BPTF: variants seen among roughly 807,000 people sequenced by gnomAD.
BPTF encodes bromodomain PHD finger transcription factor.
A neutral mutation model predicts 292.5 loss-of-function variants in BPTF; 18 were observed. That is an observed-to-expected ratio of 0.06 (90% CI 0.04 to 0.09). The LOEUF is 0.09. BPTF is among the 10% of genes least tolerant of loss of function. The pLI, the probability that BPTF is intolerant of heterozygous loss-of-function variation, is 1.00. For synonymous variants in BPTF, 1,225 were observed against 1,251.9 expected (o/e 0.98, Z 0.45); for missense variants, 2,726 against 3,498.7 (o/e 0.78, Z 5.57).
intron 1 of BPTF, among the ~76,000 whole-genome samples, chr17:67,850,395 CAG>C (rs1440117013): frequency 2.0e-5 from 3 of 152,100 alleles, no homozygotes; most frequent in Non-Finnish European, 2.9e-5. Flanking sequence ...TTTTCTGAGA[CAG>C]AGTCTCGCTC....
intron 2 of BPTF, among the ~76,000 whole-genome samples, chr17:67,863,715 C>T (rs1185254267): frequency 3.9e-5 from 6 of 152,142 alleles, no homozygotes; most frequent in African/African-American, 1.4e-4. Flanking sequence ...CTGCAAAGAC[C>T]CTATTTCCAA....
rs186609383 is a variant in BPTF, at chr17:67,964,762, A to G, written c.8454+358A>G. ...ATGCCTGTAATCCCAGCACTTTGGG[A>G]GGCCAAGGTGGGCGGATCACAAGGT... On this transcript the variant is annotated intron_variant, in intron 25 of 27. Coordinates refer to ENST00000306378, the MANE Select transcript of BPTF (RefSeq NM_182641.4). Among the ~76,000 whole-genome samples, 55 of 152,204 alleles carry G rather than the reference A, an allele frequency of 3.6e-4. No homozygotes were observed. In the Middle Eastern group the frequency reaches 0.01, roughly 28 times the overall value.
Position 67,903,770 on chromosome 17 carries a change from T to C in BPTF, c.2544-19T>C. On this transcript the variant is annotated intron_variant, in intron 7 of 27. Transcript: ENST00000306378. ...TATTTTTCCAAGTTAACATTGTCTTTCTATGCATGAATTCTTAGGTTACAC... is the reference window on the plus strand; with the variant it reads ...TATTTTTCCAAGTTAACATTGTCTTCCTATGCATGAATTCTTAGGTTACAC... 1 of 1,522,336 alleles carries C rather than the reference T, an allele frequency of 6.6e-7. No homozygotes were observed. The highest frequency in any genetic ancestry group is 8.8e-7 in the Non-Finnish European group (1 of 1,141,386). 94.3% of individuals were successfully genotyped at this position (1,522,336 alleles called of 1,614,324 possible).
At chr17:67,965,348 AAAAAG>A (rs2067984629) in intron 25 of BPTF, 1 of 149,698 alleles carries the variant, frequency 6.7e-6, no homozygotes, top group African/African-American at 2.5e-5. Context: ...GTCTCAGAAA[AAAAAG>A]AAAAACGGGA....
rs887886050 is a variant in BPTF at position 67,864,545 on chromosome 17, A to G, written c.1437-1919A>G. Reference sequence around the variant, plus strand: ...TCCATCACAAAAAAAAAAAAAAAAAAGGAAAAGAAAAAAGTTAAACAAAAC... The same window carrying G: ...TCCATCACAAAAAAAAAAAAAAAAAGGGAAAAGAAAAAAGTTAAACAAAAC... On this transcript the variant is annotated intron_variant, in intron 2 of 27. Coordinates refer to ENST00000306378, the MANE Select transcript of BPTF (RefSeq NM_182641.4). Among the ~76,000 whole-genome samples, 150 of 146,380 alleles carry G rather than the reference A, an allele frequency of 1.0e-3. 1 individual carries two copies. The highest frequency in any genetic ancestry group is 7.1e-3 in the Middle Eastern group (2 of 282).
chr17:67,877,707 C>T lies in BPTF; in HGVS notation c.1864+2687C>T, dbSNP rs1227678913. Among the ~76,000 whole-genome samples the T allele has an allele frequency of 1.2e-4, 18 of 152,254 alleles. No individual in the cohort carries two copies. In the South Asian group the frequency reaches 3.7e-3, roughly 32 times the overall value. On this transcript the variant is annotated intron_variant, in intron 4 of 27. Coordinates refer to ENST00000306378, the MANE Select transcript of BPTF (RefSeq NM_182641.4). The stretch of plus-strand genomic sequence containing the variant: ...GATCATGGCTCACTGCAGGCTTGAC[C>T]TCCCAGGGTCAAGTGATCCTCCCAC...
intron 1 of BPTF, among the ~76,000 whole-genome samples, chr17:67,837,700 G>A (rs1386356216): frequency 6.6e-6 from 1 of 152,052 alleles, no homozygotes; most frequent in Non-Finnish European, 1.5e-5. Context: ...GTGAGCCACC[G>A]TGCCCAGCCT....
intron 7 of BPTF, among the ~76,000 whole-genome samples, chr17:67,900,995 G>A (rs892621737): frequency 6.6e-6 from 1 of 151,678 alleles, no homozygotes; most frequent in African/African-American, 2.4e-5. Flanking sequence ...CTGCATCCTG[G>A]GCAACAGAGT....
intron 1 of BPTF, among the ~76,000 whole-genome samples, chr17:67,842,006 T>C (rs2057588895): frequency 6.6e-6 from 1 of 152,158 alleles, no homozygotes; most frequent in Non-Finnish European, 1.5e-5. Context: ...AACTATCTAC[T>C]TAGAGTTAGC....
intron 1 of BPTF, among the ~76,000 whole-genome samples, chr17:67,847,280 C>T (rs1172189005): frequency 2.6e-5 from 4 of 151,970 alleles, no homozygotes; most frequent in East Asian, 1.9e-4. Context: ...TTTGGGAAGC[C>T]GAGGTGGGTG....
At chr17:67,905,660 A>G (rs1249250432) in intron 9 of BPTF, among the ~76,000 whole-genome samples, 1 of 152,078 alleles carries the variant, frequency 6.6e-6, no homozygotes, top group Non-Finnish European at 1.5e-5. Context: ...AGTAAGCTAT[A>G]ATTGTGCTGT....
intron 1 of BPTF, among the ~76,000 whole-genome samples, chr17:67,851,524 G>A (rs561511434): frequency 1.2e-4 from 18 of 152,352 alleles, no homozygotes; most frequent in African/African-American, 4.3e-4. Flanking sequence ...TGTTTTAAAA[G>A]TAGAAAGAGA....
In BPTF at chr17:67,931,993, T is replaced by C. The variant is rs779442405; in HGVS notation, c.6233T>C (p.Ile2078Thr). The C allele has an allele frequency of 1.9e-6, 3 of 1,614,030 alleles. No homozygotes were observed. In the Admixed American group the frequency reaches 5.0e-5, roughly 27 times the overall value. The change falls in exon 18 of 28, where the codon ATT becomes ACT. Residue 2078 changes from isoleucine to threonine, a missense_variant. Ile to Thr is a moderately conservative substitution (Grantham distance 89). This residue lies in a region of BPTF where 570 missense variants were observed against 633.5 expected (regional missense o/e 0.90). Transcript: ENST00000306378. ...LQQSTLGKAI[I>T]RTPVMVQPGA... The stretch of plus-strand genomic sequence containing the variant: ...CAGTCAACACTAGGAAAGGCAATTA[T>C]TCGAACACCTGTGATGGTACAGCCA...
At chr17:67,884,415 C>A (rs2060620313) in intron 4 of BPTF, among the ~76,000 whole-genome samples, 1 of 131,512 alleles carries the variant, frequency 7.6e-6, no homozygotes, top group African/African-American at 3.4e-5. Flanking sequence ...TACCCCTGGC[C>A]CCTCCCTTTT....
At chr17:67,844,336 C>G (rs1235718927) in intron 1 of BPTF, among the ~76,000 whole-genome samples, 1 of 151,224 alleles carries the variant, frequency 6.6e-6, no homozygotes, top group Non-Finnish European at 1.5e-5. Context: ...CAAGCTCTAT[C>G]TCCTAGGTTC....
At position 67,929,264 on chromosome 17, in the gene BPTF, C is replaced by T; in HGVS notation, c.5999-72C>T. On this transcript the variant is annotated intron_variant, in intron 16 of 27. Transcript: ENST00000306378. Reference sequence around the variant, plus strand: ...AACCCTGCCACACGTAGTTTCTCCTCAGCAACCGAGCACCACGTAATGCTT... The same window carrying T: ...AACCCTGCCACACGTAGTTTCTCCTTAGCAACCGAGCACCACGTAATGCTT... 7 of 1,570,812 alleles carry T rather than the reference C, an allele frequency of 4.5e-6. 1 individual carries two copies. In the South Asian group the frequency reaches 8.3e-5, roughly 19 times the overall value.
intron 2 of BPTF, 47 bp from the exon 3 acceptor site, chr17:67,866,417 T>A: frequency 7.2e-7 from 1 of 1,380,192 alleles, no homozygotes; most frequent in South Asian, 1.2e-5. Context: ...GTCAGATAAG[T>A]GGCATTATGT....
chr17:67,976,685 C>CAAAAAAAAAAA (rs1156404121), intron 27 of BPTF, among the ~76,000 whole-genome samples: 7 of 24,780 alleles, frequency 2.8e-4, no homozygotes, highest in Admixed American at 5.5e-4. Flanking sequence ...GACCCTGTCT[C>CAAAAAAAAAAA]AAAAAAAAAA....
At chr17:67,930,185 T>C (rs1236536442) in intron 17 of BPTF, among the ~76,000 whole-genome samples, 1 of 152,100 alleles carries the variant, frequency 6.6e-6, no homozygotes, top group Non-Finnish European at 1.5e-5. Context: ...AGCTGATATG[T>C]GCACATATTA....
Sources: allele counts gnomAD v4.1 joint callset (sites outside exome capture counted in the v4.1 genomes callset), GRCh38; gene constraint gnomAD v4.1.1; regional missense constraint gnomAD v4.1.1; transcripts MANE v1.5; gene names NCBI Gene and HGNC (gene_info 2026-07-23, HGNC 2026-07-21).